RNF122: variants seen among roughly 807,000 people sequenced by gnomAD.
RNF122 encodes the protein ring finger protein 122.
Under a neutral mutation model 24.2 loss-of-function variants are expected in RNF122, and 17 were observed. The ratio of observed to expected loss-of-function variants is 0.70; its 90% CI spans 0.48 to 1.06. The LOEUF (loss-of-function observed/expected upper bound fraction) is 1.06, where lower values mean the gene tolerates loss of function less well. Among genes scored for constraint, RNF122 ranks in the 50% least tolerant of loss-of-function variants. RNF122 has a pLI of 0.00. For missense variants in RNF122, 168 were observed against 198.1 expected (o/e 0.85, Z 0.91); for synonymous variants, 65 against 71.8 (o/e 0.91, Z 0.48).
At chr8:33,555,444 C>A (rs1057211417) in intron 2 of RNF122, among the ~76,000 whole-genome samples, 3 of 152,136 alleles carry the variant, frequency 2.0e-5, no homozygotes, top group Non-Finnish European at 4.4e-5. Context: ...CTCAGGTGAT[C>A]CACCTGCCTC....
rs766647299 is a variant in RNF122, at chr8:33,549,405, C to A, written c.353+5G>T. On this transcript the variant is annotated splice_donor_5th_base_variant and intron_variant, in intron 5 of 5. Transcript: ENST00000256257. ...GACGGGCACCCTGGACACATTCCCA[C>A]GTACTTGCGGTGAAAGGCGTGTTGG... 2 of 1,612,610 alleles carry A rather than the reference C, an allele frequency of 1.2e-6. No individual in the cohort carries two copies. The highest frequency in any genetic ancestry group is 1.1e-5 in the South Asian group (1 of 91,056).
At chr8:33,562,149 A>C (rs1260326189) in intron 1 of RNF122, among the ~76,000 whole-genome samples, 2 of 152,100 alleles carry the variant, frequency 1.3e-5, no homozygotes, top group African/African-American at 4.8e-5. Context: ...TTCGGCCCCT[A>C]CTTACTCAGT....
chr8:33,548,943 T>C (rs1810330299), intron 5 of RNF122, 76 bp from the exon 6 acceptor site: 4 of 1,043,810 alleles, frequency 3.8e-6, no homozygotes, highest in Non-Finnish European at 4.5e-6. Flanking sequence ...AACAAGAATA[T>C]CCCGTGGTGG....
intron 2 of RNF122, among the ~76,000 whole-genome samples, chr8:33,552,824 C>A (rs1017408083): frequency 6.6e-6 from 1 of 151,874 alleles, no homozygotes; most frequent in South Asian, 2.1e-4. Context: ...TTTGGGAGGC[C>A]GAGGTGGGCA....
rs956584977 is a variant in RNF122, at chr8:33,548,252, G to A, written c.*501C>T. On this transcript the variant is annotated 3_prime_UTR_variant, in exon 6 of 6. Transcript: ENST00000256257. The stretch of plus-strand genomic sequence containing the variant: ...TGTCCCTGCTCTTCTGTTTCATACA[G>A]AGCCTCCCTCGCCTCCCGTGGAGGC... 1 of 152,678 alleles carries A rather than the reference G, an allele frequency of 6.5e-6. No individual in the cohort carries two copies. Among genetic ancestry groups the A allele is most frequent in the African/African-American group, 2.4e-5 (1 of 41,428 alleles). 9.5% of individuals were successfully genotyped at this position (152,678 alleles called of 1,614,324 possible).
Position 33,565,788 on chromosome 8 carries a change from G to A in RNF122, c.25+911C>T, listed in dbSNP as rs377587726. Among the ~76,000 whole-genome samples the A allele has an allele frequency of 4.9e-3, 742 of 152,298 alleles. 10 individuals are homozygous for A. Among genetic ancestry groups the A allele is most frequent in the African/African-American group, 0.017 (702 of 41,572 alleles). The stretch of plus-strand genomic sequence containing the variant: ...CCTTGTGGCCAGAAACACGGCTCCC[G>A]CCAGGCCAGCCTCGCACCCCAGGGA... On this transcript the variant is annotated intron_variant, in intron 1 of 5. Transcript: ENST00000256257.
intron 1 of RNF122, among the ~76,000 whole-genome samples, chr8:33,566,192 G>A (rs1424209608): frequency 6.6e-6 from 1 of 152,104 alleles, no homozygotes; most frequent in East Asian, 1.9e-4. Flanking sequence ...AAGCACCCAA[G>A]CCACGCCAGC....
At chr8:33,566,015 G>A (rs1459790660) in intron 1 of RNF122, among the ~76,000 whole-genome samples, 2 of 152,106 alleles carry the variant, frequency 1.3e-5, no homozygotes, top group Non-Finnish European at 2.9e-5. Flanking sequence ...CACCACTCCC[G>A]GCTAATTTTG....
At chr8:33,558,396 T>G (rs571630748) in intron 2 of RNF122, among the ~76,000 whole-genome samples, 4 of 152,294 alleles carry the variant, frequency 2.6e-5, no homozygotes, top group Admixed American at 2.6e-4. Context: ...CAACCCGTGG[T>G]GACCTTATAT....
At chr8:33,560,678 T>C (rs1810528126) in intron 1 of RNF122, among the ~76,000 whole-genome samples, 1 of 152,092 alleles carries the variant, frequency 6.6e-6, no homozygotes, top group African/African-American at 2.4e-5. Context: ...GTCTCACGCC[T>C]GTAATCCCAG....
intron 1 of RNF122, among the ~76,000 whole-genome samples, chr8:33,559,525 C>T (rs868154022): frequency 1.1e-4 from 16 of 151,972 alleles, no homozygotes; most frequent in African/African-American, 3.1e-4. Context: ...TGAAAATGAG[C>T]GCATAAGAAA....
chr8:33,551,021 GCA>G (rs769049663), intron 4 of RNF122, 21 bp downstream of exon 4: 4 of 1,612,974 alleles, frequency 2.5e-6, no homozygotes, highest in Admixed American at 1.7e-5. Flanking sequence ...GGGCCCTCCT[GCA>G]CACTTTCCTG....
intron 1 of RNF122, among the ~76,000 whole-genome samples, chr8:33,564,957 G>A (rs1199016783): frequency 6.6e-6 from 1 of 152,204 alleles, no homozygotes; most frequent in African/African-American, 2.4e-5. Flanking sequence ...AAAGGGCAGT[G>A]TTACTGACAG....
At chr8:33,564,908 C>T (rs1160874562) in intron 1 of RNF122, among the ~76,000 whole-genome samples, 8 of 152,090 alleles carry the variant, frequency 5.3e-5, no homozygotes. Context: ...AAAAATAAAG[C>T]AGCAAGTCTA....
intron 1 of RNF122, among the ~76,000 whole-genome samples, chr8:33,561,552 A>AT (rs1400497821): frequency 2.0e-5 from 3 of 146,974 alleles, no homozygotes; most frequent in Admixed American, 6.8e-5. Flanking sequence ...TTTTTTTTTA[A>AT]TTTTTTTTTA....
chr8:33,554,993 A>G (rs2128839217), intron 2 of RNF122, among the ~76,000 whole-genome samples: 1 of 152,072 alleles, frequency 6.6e-6, no homozygotes, highest in African/African-American at 2.4e-5. Context: ...GTGTCTTTCT[A>G]TATATAGACA....
chr8:33,559,064 A>AGAGGCT (rs1460500728), intron 1 of RNF122, among the ~76,000 whole-genome samples: 1 of 152,132 alleles, frequency 6.6e-6, no homozygotes, highest in African/African-American at 2.4e-5. Context: ...AGTACTTTGG[A>AGAGGCT]GAGGCTGAGG....
At chr8:33,564,459 C>T (rs1001898732) in intron 1 of RNF122, among the ~76,000 whole-genome samples, 2 of 152,136 alleles carry the variant, frequency 1.3e-5, no homozygotes, top group Admixed American at 1.3e-4. Context: ...GTGGTTCCAG[C>T]TATGCTGGGA....
chr8:33,565,818 C>A (rs1362080599), intron 1 of RNF122, among the ~76,000 whole-genome samples: 2 of 152,200 alleles, frequency 1.3e-5, no homozygotes, highest in Non-Finnish European at 2.9e-5. Context: ...CAGGGACAGC[C>A]GGGCGCGGAG....
Sources: gnomAD v4.1 joint callset for allele counts (sites outside exome capture counted in the v4.1 genomes callset) on GRCh38, gnomAD v4.1.1 for gene constraint, MANE v1.5 for transcripts, NCBI Gene and HGNC (gene_info 2026-07-23, HGNC 2026-07-21) for gene names.